PLSCR2: variants seen among roughly 807,000 people sequenced by gnomAD.
The protein encoded by PLSCR2 is phospholipid scramblase 2, also known as PL scramblase 2.
In PLSCR2, 18 loss-of-function variants were observed where a neutral mutation model predicts 25.3. The ratio of observed to expected loss-of-function variants is 0.71; its 90% CI spans 0.49 to 1.06. The LOEUF is 1.06. PLSCR2 is among the 50% of genes least tolerant of loss of function. The pLI is 0.00. For missense variants in PLSCR2, 243 were observed against 269.5 expected (o/e 0.90, Z 0.69); for synonymous variants, 88 against 87.3 (o/e 1.01, Z -0.04).
upstream of PLSCR2, among the ~76,000 whole-genome samples, chr3:146,464,217 C>A (rs889512697): frequency 6.6e-6 from 1 of 152,142 alleles, no homozygotes; most frequent in Admixed American, 6.5e-5. Context: ...ACTAGGGTAA[C>A]TAGACTAACT....
intron 1 of PLSCR2, among the ~76,000 whole-genome samples, chr3:146,491,866 C>T (rs537936868): frequency 1.3e-5 from 2 of 152,128 alleles, no homozygotes; most frequent in African/African-American, 4.8e-5. Flanking sequence ...TGACCAAGAA[C>T]CAGGAGCTAC....
At chr3:146,422,602 AACAGCT>A (rs1251425697) in intron 2 of PLSCR2, among the ~76,000 whole-genome samples, 3 of 152,102 alleles carry the variant, frequency 2.0e-5, no homozygotes, top group Non-Finnish European at 4.4e-5. Context: ...ACCAAGTTGG[AACAGCT>A]ATGCACTGCA....
At chr3:146,447,157 C>A (rs963386423) in intron 6 of PLSCR2, among the ~76,000 whole-genome samples, 2 of 152,208 alleles carry the variant, frequency 1.3e-5, no homozygotes, top group African/African-American at 2.4e-5. Flanking sequence ...GGAACATGGA[C>A]TCTAGAGCCC....
intron 2 of PLSCR2, among the ~76,000 whole-genome samples, chr3:146,412,086 A>G (rs2038872417): frequency 6.6e-6 from 1 of 152,218 alleles, no homozygotes; most frequent in South Asian, 2.1e-4. Flanking sequence ...TCAGGTGGAA[A>G]CAAGGCTAGA....
chr3:146,460,632 G>A (rs371632477), upstream of PLSCR2, among the ~76,000 whole-genome samples: 83 of 152,206 alleles, frequency 5.5e-4, no homozygotes, highest in Admixed American at 1.1e-3. Flanking sequence ...TTTAGTTGTC[G>A]CAACTGGAGG....
intron 2 of PLSCR2, among the ~76,000 whole-genome samples, chr3:146,411,147 G>A (rs866414596): frequency 2.6e-5 from 4 of 152,096 alleles, no homozygotes; most frequent in African/African-American, 9.7e-5. Context: ...GAAAAAGGGA[G>A]AGAAAGAGAG....
At chr3:146,480,919 G>A (rs1455453665) in intron 1 of PLSCR2, among the ~76,000 whole-genome samples, 1 of 151,992 alleles carries the variant, frequency 6.6e-6, no homozygotes, top group East Asian at 1.9e-4. Context: ...GGATGCAAGG[G>A]TGGTTCAACA....
chr3:146,464,845 G>A (rs986380014), upstream of PLSCR2, among the ~76,000 whole-genome samples: 12 of 152,132 alleles, frequency 7.9e-5, no homozygotes, highest in Non-Finnish European at 1.5e-4. Context: ...CAGGGAGAGG[G>A]AGAAATAGCA....
At chr3:146,454,050 A>G (rs2041053878) in exon 5 of PLSCR2, 3 of 1,610,200 alleles carry the variant, frequency 1.9e-6, no homozygotes, top group Non-Finnish European at 2.5e-6. Flanking sequence ...ATGGACCACT[A>G]ATTTTTAGTA....
intron 3 of PLSCR2, among the ~76,000 whole-genome samples, chr3:146,394,414 T>C (rs989594089): frequency 1.3e-5 from 2 of 151,928 alleles, no homozygotes; most frequent in Non-Finnish European, 2.9e-5. Context: ...ATTACAGGCA[T>C]GTGTCACCTG....
At chr3:146,461,985 C>A, upstream of PLSCR2, 1 of 1,072,338 alleles carries the variant, frequency 9.3e-7, no homozygotes, top group South Asian at 1.7e-5. Flanking sequence ...AAGAACAAGT[C>A]AACAACACAT....
chr3:146,467,316 T>G (rs1576699750), intron 1 of PLSCR2, among the ~76,000 whole-genome samples: 1 of 152,282 alleles, frequency 6.6e-6, no homozygotes, highest in Admixed American at 6.5e-5. Context: ...AAAATGAGTC[T>G]TAAAGTCAGT....
At chr3:146,400,914 A>G (rs1338771962) in intron 2 of PLSCR2, among the ~76,000 whole-genome samples, 1 of 151,990 alleles carries the variant, frequency 6.6e-6, no homozygotes, top group African/African-American at 2.4e-5. Flanking sequence ...TAGAAAAAGA[A>G]TAGTCTTTTA....
chr3:146,456,604 T>C (rs958288832), intron 3 of PLSCR2, among the ~76,000 whole-genome samples: 7 of 152,222 alleles, frequency 4.6e-5, no homozygotes, highest in Non-Finnish European at 8.8e-5. Flanking sequence ...ATCTTGAAGT[T>C]TCCTTCAAGT....
In PLSCR2 at chr3:146,422,208, A is replaced by G. The variant is rs987725658; in HGVS notation, c.101-26287T>C. Among the ~76,000 whole-genome samples the G allele has an allele frequency of 8.5e-5, 13 of 152,172 alleles. No homozygotes were observed. In the East Asian group the frequency reaches 1.9e-3, roughly 23 times the overall value. ...CCTAGAAGTCAGAGTGTGATCTGGT[A>G]TGAGTAATATTAAACAAGAAAACAA... On this transcript the variant is annotated intron_variant and NMD_transcript_variant, in intron 2 of 3. Coordinates refer to the PLSCR2 transcript ENST00000463633.
At chr3:146,492,204 A>G (rs886691714) in intron 1 of PLSCR2, among the ~76,000 whole-genome samples, 14 of 152,144 alleles carry the variant, frequency 9.2e-5, no homozygotes, top group Admixed American at 2.0e-4. Context: ...TACTCACTGC[A>G]TCGGAGAGGC....
At chr3:146,414,513 C>A (rs116001469) in intron 2 of PLSCR2, among the ~76,000 whole-genome samples, 7 of 151,960 alleles carry the variant, frequency 4.6e-5, no homozygotes, top group Admixed American at 3.9e-4. Context: ...TATGCCAAAA[C>A]GGAAGAGCTT....
intron 2 of PLSCR2, among the ~76,000 whole-genome samples, chr3:146,403,333 G>T (rs1240957060): frequency 1.3e-5 from 2 of 152,122 alleles, no homozygotes; most frequent in Non-Finnish European, 2.9e-5. Flanking sequence ...TCAAATTTAA[G>T]CCTGCATCGA....
intron 1 of PLSCR2, among the ~76,000 whole-genome samples, chr3:146,478,208 G>A (rs902325100): frequency 6.6e-6 from 1 of 152,154 alleles, no homozygotes; most frequent in Non-Finnish European, 1.5e-5. Context: ...CTGCTCACCA[G>A]CAATGGAACA....
Sources: allele counts gnomAD v4.1 joint callset (sites outside exome capture counted in the v4.1 genomes callset), GRCh38; gene constraint gnomAD v4.1.1; transcripts MANE v1.5; gene names NCBI Gene and HGNC (gene_info 2026-07-23, HGNC 2026-07-21).